The following NOP58 variants were observed in gnomAD, a reference collection of about 807,000 sequenced individuals.
NOP58 encodes NOP58 ribonucleoprotein.
A neutral mutation model predicts 71.2 loss-of-function variants in NOP58; 44 were observed. The observed-to-expected ratio is 0.62, with a 90% confidence interval of 0.49 to 0.79. The LOEUF (loss-of-function observed/expected upper bound fraction) is 0.79. Among genes scored for constraint, NOP58 ranks in the 30% least tolerant of loss-of-function variants. The probability of loss-of-function intolerance (pLI) is 0.00; values close to 1 mark genes in which losing one functional copy is unlikely to be tolerated. For synonymous variants in NOP58, 228 were observed against 200.3 expected (o/e 1.14, Z -1.17); for missense variants, 538 against 620.2 (o/e 0.87, Z 1.41).
At chr2:202,295,991 G>C (rs1285024410) in intron 10 of NOP58, among the ~76,000 whole-genome samples, 154 bp downstream of exon 10, 1 of 152,068 alleles carries the variant, frequency 6.6e-6, no homozygotes, top group African/African-American at 2.4e-5. Context: ...AGTGCTTTGT[G>C]TACACTGAAG....
intron 4 of NOP58, 115 bp downstream of exon 4, chr2:202,282,587 T>C: frequency 9.4e-7 from 1 of 1,061,220 alleles, no homozygotes; most frequent in East Asian, 2.5e-5. Context: ...CATTTTTTTC[T>C]TTTCTCTAAG....
intron 3 of NOP58, among the ~76,000 whole-genome samples, chr2:202,280,311 C>T (rs1028785565): frequency 4.6e-5 from 7 of 152,062 alleles, no homozygotes; most frequent in African/African-American, 1.4e-4. Flanking sequence ...TATAGCAAGA[C>T]CCCCTCTCAA....
At chr2:202,300,748 T>C (rs534186100) in intron 13 of NOP58, among the ~76,000 whole-genome samples, 47 of 152,336 alleles carry the variant, frequency 3.1e-4, no homozygotes, top group African/African-American at 1.1e-3. Context: ...ATTGTTTCTC[T>C]TACACGGAGC....
At chr2:202,303,088 T>C (rs998792226) in intron 14 of NOP58, 31 bp downstream of exon 14, 3 of 1,601,364 alleles carry the variant, frequency 1.9e-6, no homozygotes, top group Non-Finnish European at 2.6e-6. Flanking sequence ...CGGTTTTCAC[T>C]TGGAGGGGCC....
chr2:202,294,083 G>C (rs186928696), intron 9 of NOP58, among the ~76,000 whole-genome samples: 1 of 151,846 alleles, frequency 6.6e-6, no homozygotes, highest in East Asian at 1.9e-4. Context: ...GAGAAGCTGA[G>C]GTGGGTGGGT....
At chr2:202,286,970 C>T (rs1056096151) in intron 5 of NOP58, among the ~76,000 whole-genome samples, 3 of 151,644 alleles carry the variant, frequency 2.0e-5, no homozygotes, top group African/African-American at 7.3e-5. Flanking sequence ...TACTCCACAG[C>T]TTTCTGTTTT....
intron 3 of NOP58, chr2:202,278,479 CAG>C (rs939915166): frequency 1.2e-5 from 4 of 338,136 alleles, no homozygotes; most frequent in African/African-American, 8.6e-5. Flanking sequence ...TATCAATATT[CAG>C]AGTTATACAG....
At chr2:202,272,892 T>G (rs948753668) in intron 1 of NOP58, among the ~76,000 whole-genome samples, 1 of 152,196 alleles carries the variant, frequency 6.6e-6, no homozygotes, top group African/African-American at 2.4e-5. Flanking sequence ...CCCAACACTT[T>G]GGGAGGCCGA....
At chr2:202,290,905 CT>C in intron 7 of NOP58, 1 of 433,982 alleles carries the variant, frequency 2.3e-6, no homozygotes, top group Non-Finnish European at 4.0e-6. Context: ...TCTTTTTACT[CT>C]GATTATTTTT....
rs117829266 is a variant in NOP58, at chr2:202,295,603, G to T, written c.908-71G>T. 1.9e-3 allele frequency: 1,936 copies of T among 1,046,378 alleles called. 45 individuals are homozygous for T. In the East Asian group the frequency reaches 0.047, roughly 25 times the overall value. 64.8% of individuals were successfully genotyped at this position (1,046,378 alleles called of 1,614,324 possible). On this transcript the variant is annotated intron_variant, in intron 9 of 14. Coordinates refer to ENST00000264279, the MANE Select transcript of NOP58 (RefSeq NM_015934.5). Reference sequence around the variant, plus strand: ...TATGGTGGCTGTAATAATTCTATAGGTCTTTTGTTTCAGTACGTGGAACAT... The same window carrying T: ...TATGGTGGCTGTAATAATTCTATAGTTCTTTTGTTTCAGTACGTGGAACAT...
At chr2:202,290,977 T>C in intron 7 of NOP58, 148 bp from the exon 8 acceptor site, 1 of 617,422 alleles carries the variant, frequency 1.6e-6, no homozygotes, top group Non-Finnish European at 2.7e-6. Flanking sequence ...TGAGGAAAAC[T>C]GTTATACTAG....
chr2:202,275,147 G>C lies in NOP58; in HGVS notation c.80G>C (p.Ser27Thr), dbSNP rs1559260086. ...GAGAAGAAACTTCAAGAGGTTGATA[G>C]TTTATGGAAAGAATTTGAAACTCCA... is the stretch of plus-strand genomic sequence containing the variant. ...LNEKKLQEVD[S>T]LWKEFETPEK... The change falls in exon 2 of 15, where the codon AGT (serine) becomes ACT (threonine). Residue 27 changes from serine (S) to threonine (T), a missense_variant. Ser to Thr is a moderately conservative substitution (Grantham distance 58, BLOSUM62 1). Transcript: ENST00000264279. 2 of 1,571,420 alleles carry C rather than the reference G, an allele frequency of 1.3e-6. No homozygotes were observed. The highest frequency in any genetic ancestry group is 1.7e-6 in the Non-Finnish European group (2 of 1,151,350).
intron 9 of NOP58, among the ~76,000 whole-genome samples, chr2:202,293,646 C>G (rs1283196226): frequency 6.6e-6 from 1 of 152,146 alleles, no homozygotes; most frequent in Admixed American, 6.5e-5. Flanking sequence ...CAGTGGCTCA[C>G]TGCAACCTCT....
At chr2:202,289,538 A>G (rs892492911) in intron 6 of NOP58, among the ~76,000 whole-genome samples, 1 of 152,238 alleles carries the variant, frequency 6.6e-6, no homozygotes, top group Non-Finnish European at 1.5e-5. Context: ...CCTCAGCCTC[A>G]TACGTGTTTG....
At chr2:202,266,664 C>A (rs1031506959) in intron 1 of NOP58, among the ~76,000 whole-genome samples, 1 of 152,124 alleles carries the variant, frequency 6.6e-6, no homozygotes, top group Admixed American at 6.6e-5. Flanking sequence ...TGTCTTAATA[C>A]GGTTACTCTG....
intron 1 of NOP58, among the ~76,000 whole-genome samples, chr2:202,274,751 G>T (rs1433214290): frequency 2.0e-5 from 3 of 151,886 alleles, no homozygotes; most frequent in African/African-American, 7.3e-5. Flanking sequence ...TACAGAGCGA[G>T]ACTCCATCTC....
chr2:202,293,705 G>T (rs1245853083), intron 9 of NOP58, among the ~76,000 whole-genome samples: 3 of 152,052 alleles, frequency 2.0e-5, no homozygotes, highest in African/African-American at 4.8e-5. Flanking sequence ...CAAGTTGCTG[G>T]GATTACAGGC....
rs144028029 is a variant in NOP58 at position 202,281,271 on chromosome 2, C to T, written c.176-1080C>T. Reference sequence around the variant, plus strand: ...CCTCCCGAGTAGCTAGGATTACAGGCGTGAGCCACCAGGGCCAGCTAATTT... The same window carrying T: ...CCTCCCGAGTAGCTAGGATTACAGGTGTGAGCCACCAGGGCCAGCTAATTT... On this transcript the variant is annotated intron_variant, in intron 3 of 14. Transcript: ENST00000264279. Among the ~76,000 whole-genome samples, 1,170 of 151,816 alleles carry T rather than the reference C, an allele frequency of 7.7e-3. 13 individuals are homozygous for T. Among genetic ancestry groups the T allele is most frequent in the African/African-American group, 0.026 (1,092 of 41,372 alleles).
At chr2:202,298,305 T>C (rs1574389656) in intron 12 of NOP58, among the ~76,000 whole-genome samples, 1 of 152,322 alleles carries the variant, frequency 6.6e-6, no homozygotes, top group African/African-American at 2.4e-5. Context: ...TTTCCAGATA[T>C]TGATAGTAAA....
Sources: gnomAD v4.1 joint callset for allele counts (sites outside exome capture counted in the v4.1 genomes callset) on GRCh38, gnomAD v4.1.1 for gene constraint, MANE v1.5 for transcripts, NCBI Gene and HGNC (gene_info 2026-07-23, HGNC 2026-07-21) for gene names.